The following ARK2C variants were observed in gnomAD, a reference collection of about 807,000 sequenced individuals.
ARK2C encodes the protein arkadia (RNF111) C-terminal like ring finger ubiquitin ligase 2C, also known as E3 ubiquitin-protein ligase ARK2C.
the ARK2C span, among the ~76,000 whole-genome samples, chr18:46,400,155 G>A: frequency 1.6e-4 from 24 of 152,238 alleles, no homozygotes; most frequent in African/African-American, 5.5e-4. Flanking sequence ...TCTAGGCCTT[G>A]TTTCTAAGGC....
At chr18:46,459,855 C>A in the ARK2C span, 1 of 152,710 alleles carries the variant, frequency 6.5e-6, no homozygotes, top group South Asian at 2.1e-4. Flanking sequence ...TCAAGGGACT[C>A]AGACCCTTTC....
the ARK2C span, among the ~76,000 whole-genome samples, chr18:46,441,861 C>CAA: frequency 4.3e-4 from 53 of 122,088 alleles, 1 homozygote; most frequent in African/African-American, 1.3e-3. Context: ...GACTCCATCT[C>CAA]AAAAAAAAAA....
chr18:46,441,051 C>G, the ARK2C span, among the ~76,000 whole-genome samples: 43 of 152,150 alleles, frequency 2.8e-4, no homozygotes, highest in African/African-American at 9.9e-4. Flanking sequence ...CTGGAGTGCA[C>G]CTTGGCTCAC....
At chr18:46,425,609 G>C in the ARK2C span, among the ~76,000 whole-genome samples, 32 of 152,278 alleles carry the variant, frequency 2.1e-4, no homozygotes, top group African/African-American at 7.7e-4. Flanking sequence ...CCCTGAAGAA[G>C]CCTTGCTGCC....
the ARK2C span, among the ~76,000 whole-genome samples, chr18:46,393,972 G>C: frequency 6.6e-6 from 1 of 152,224 alleles, no homozygotes; most frequent in African/African-American, 2.4e-5. Flanking sequence ...CTGGAGGGAG[G>C]ATGCAGTGGG....
At chr18:46,400,548 C>T in the ARK2C span, among the ~76,000 whole-genome samples, 1 of 152,052 alleles carries the variant, frequency 6.6e-6, no homozygotes, top group Non-Finnish European at 1.5e-5. Context: ...GTTTGGGGAA[C>T]AGAGAAGGAG....
At chr18:46,410,445 C>G in the ARK2C span, among the ~76,000 whole-genome samples, 2 of 152,242 alleles carry the variant, frequency 1.3e-5, no homozygotes, top group Non-Finnish European at 2.9e-5. Context: ...GTGTGAAGGA[C>G]TGAACCCGTT....
At chr18:46,403,746 C>T in the ARK2C span, among the ~76,000 whole-genome samples, 48 of 152,178 alleles carry the variant, frequency 3.2e-4, no homozygotes, top group African/African-American at 6.5e-4. Flanking sequence ...GGCGTGGTGG[C>T]GGTCACTTGT....
At chr18:46,450,434 TGG>T in the ARK2C span, 3 of 1,448,860 alleles carry the variant, frequency 2.1e-6, no homozygotes, top group Non-Finnish European at 2.9e-6. Flanking sequence ...ACTGGGTTGG[TGG>T]AGATGCCATT....
chr18:46,367,827 C>T, the ARK2C span, among the ~76,000 whole-genome samples: 1 of 152,218 alleles, frequency 6.6e-6, no homozygotes, highest in Non-Finnish European at 1.5e-5. Context: ...GTGCTTGAGA[C>T]AATTCGGATT....
chr18:46,400,831 C>A, the ARK2C span, among the ~76,000 whole-genome samples: 1 of 152,154 alleles, frequency 6.6e-6, no homozygotes, highest in Non-Finnish European at 1.5e-5. Context: ...CCCCCTTGGT[C>A]TTCTATTAGA....
At chr18:46,343,321 G>C in the ARK2C span, among the ~76,000 whole-genome samples, 1 of 152,182 alleles carries the variant, frequency 6.6e-6, no homozygotes, top group Non-Finnish European at 1.5e-5. Context: ...CCTAGATTCT[G>C]GTCCACAAAC....
chr18:46,337,313 T>G, the ARK2C span: 1 of 985,394 alleles, frequency 1.0e-6, no homozygotes, highest in Non-Finnish European at 1.2e-6. Context: ...CTTCCTGTTC[T>G]TATTTTGTGG....
the ARK2C span, among the ~76,000 whole-genome samples, chr18:46,359,337 C>A: frequency 6.6e-6 from 1 of 152,132 alleles, no homozygotes; most frequent in Admixed American, 6.5e-5. Flanking sequence ...AGTGTGCAGG[C>A]AGCTGTGGGG....
At chr18:46,423,051 T>C in the ARK2C span, among the ~76,000 whole-genome samples, 1 of 152,184 alleles carries the variant, frequency 6.6e-6, no homozygotes, top group Non-Finnish European at 1.5e-5. Context: ...AGTTTATCAA[T>C]GTCCATTTTA....
the ARK2C span, among the ~76,000 whole-genome samples, chr18:46,432,153 T>C: frequency 6.6e-5 from 10 of 152,332 alleles, no homozygotes; most frequent in Admixed American, 5.2e-4. Flanking sequence ...GTCTACTTCT[T>C]GGCCTCATTA....
the ARK2C span, among the ~76,000 whole-genome samples, chr18:46,408,206 G>C: frequency 6.6e-6 from 1 of 152,174 alleles, no homozygotes; most frequent in African/African-American, 2.4e-5. Flanking sequence ...CTGATAAAGA[G>C]GCTGTGATGG....
chr18:46,366,665 C>T, the ARK2C span, among the ~76,000 whole-genome samples: 16 of 152,328 alleles, frequency 1.1e-4, no homozygotes, highest in African/African-American at 3.6e-4. Flanking sequence ...AGAAGTTTTA[C>T]ACTTGGGAGC....
the ARK2C span, among the ~76,000 whole-genome samples, chr18:46,390,121 C>T: frequency 6.6e-6 from 1 of 152,194 alleles, no homozygotes; most frequent in Admixed American, 6.5e-5. Flanking sequence ...AAATATGCTC[C>T]TCTCCCTCTT....
Sources: allele counts gnomAD v4.1 joint callset (sites outside exome capture counted in the v4.1 genomes callset), GRCh38; gene constraint gnomAD v4.1.1; transcripts MANE v1.5; gene names NCBI Gene and HGNC (gene_info 2026-07-23, HGNC 2026-07-21).